The following HMG20A variants were observed in gnomAD, a reference collection of about 807,000 sequenced individuals.
The protein encoded by HMG20A is high mobility group 20A.
HMG20A carries 17 observed loss-of-function variants against 43.9 expected under a neutral mutation model. The observed-to-expected ratio is 0.39, with a 90% CI of 0.27 to 0.58. The LOEUF (loss-of-function observed/expected upper bound fraction) is 0.58, where lower values mean the gene tolerates loss of function less well. Among genes scored for constraint, HMG20A ranks in the 20% least tolerant of loss-of-function variants. The probability of loss-of-function intolerance (pLI) is 0.59; values close to 1 mark genes in which losing one functional copy is unlikely to be tolerated. For synonymous variants in HMG20A, 132 were observed against 147.5 expected, an observed-to-expected ratio of 0.89 and a Z score of 0.76; for missense variants, 341 against 438.2, an observed-to-expected ratio of 0.78 and a Z score of 1.98.
the HMG20A span, among the ~76,000 whole-genome samples, chr15:77,503,377 A>G: frequency 6.6e-6 from 1 of 152,158 alleles, no homozygotes; most frequent in Non-Finnish European, 1.5e-5. Flanking sequence ...TGTCTGCTCA[A>G]TCAAAGGAGT....
the HMG20A span, among the ~76,000 whole-genome samples, chr15:77,506,687 G>A: frequency 1.3e-5 from 2 of 152,242 alleles, no homozygotes; most frequent in South Asian, 4.1e-4. Flanking sequence ...ACTGCGCCCA[G>A]CCCACGTTCC....
chr15:77,450,420 A>T (rs2073723843), intron 1 of HMG20A, among the ~76,000 whole-genome samples: 3 of 152,218 alleles, frequency 2.0e-5, no homozygotes, highest in Admixed American at 2.0e-4. Context: ...AGGTAATTTT[A>T]TAGCAATGAT....
chr15:77,423,389 T>C (rs2073391563), intron 1 of HMG20A, among the ~76,000 whole-genome samples: 1 of 152,168 alleles, frequency 6.6e-6, no homozygotes, highest in Admixed American at 6.5e-5. Flanking sequence ...TTTTTTTTCT[T>C]AATGCCCTTT....
At chr15:77,464,815 A>G (rs2072739940) in intron 3 of HMG20A, 3 of 155,132 alleles carry the variant, frequency 1.9e-5, no homozygotes, top group Admixed American at 1.9e-4. Flanking sequence ...CTTAACTCAC[A>G]CAAAGGCGTA....
the HMG20A span, among the ~76,000 whole-genome samples, chr15:77,507,883 G>C: frequency 1.3e-5 from 2 of 151,510 alleles, no homozygotes; most frequent in African/African-American, 2.4e-5. Flanking sequence ...GTTGTGGGGG[G>C]GCGGTGCTGA....
At position 77,424,652 on chromosome 15, in the gene HMG20A, A is replaced by G. The variant is rs554486319; in HGVS notation, c.-5+3648A>G. ...TCCCCACAGTATGGGATGCAGTGGT[A>G]GACTGACTGAGCTTCAGCCTTGTCC... On this transcript the variant is annotated intron_variant, in intron 1 of 9. Coordinates refer to ENST00000336216, the MANE Select transcript of HMG20A (RefSeq NM_001304504.2). Among the ~76,000 whole-genome samples, 7 of 152,330 alleles carry G rather than the reference A, an allele frequency of 4.6e-5. No homozygotes were observed. In the South Asian group the frequency reaches 1.5e-3, roughly 32 times the overall value.
chr15:77,450,308 T>C (rs1355797980), intron 1 of HMG20A, among the ~76,000 whole-genome samples: 1 of 152,048 alleles, frequency 6.6e-6, no homozygotes, highest in Admixed American at 6.6e-5. Flanking sequence ...TTTTTTGTAT[T>C]TGAGTATTTG....
intron 1 of HMG20A, among the ~76,000 whole-genome samples, chr15:77,437,099 G>A (rs948490697): frequency 6.6e-6 from 1 of 152,130 alleles, no homozygotes; most frequent in Non-Finnish European, 1.5e-5. Context: ...TAGCTCTCAG[G>A]TTATGTGTTC....
At chr15:77,453,515 G>A (rs2072624124) in intron 1 of HMG20A, among the ~76,000 whole-genome samples, 1 of 152,150 alleles carries the variant, frequency 6.6e-6, no homozygotes, top group African/African-American at 2.4e-5. Flanking sequence ...AAAACAGTTT[G>A]ATTTTCTCAA....
rs114841203 is a variant in HMG20A at position 77,439,480 on chromosome 15, T to C, written c.-5+18476T>C. Among the ~76,000 whole-genome samples, 1,059 of 152,338 alleles carry C rather than the reference T, an allele frequency of 7.0e-3. 9 individuals carry two copies. Among genetic ancestry groups the C allele is most frequent in the African/African-American group, 0.024 (1,009 of 41,580 alleles). On this transcript the variant is annotated intron_variant, in intron 1 of 9. Transcript: ENST00000336216. ...TACTTGTTATTGAGCTTCATATAAA[T>C]ATATTCATAGAATATTTATTCTCGT...
At chr15:77,475,767 A>G (rs2072848882) in intron 6 of HMG20A, among the ~76,000 whole-genome samples, 1 of 152,190 alleles carries the variant, frequency 6.6e-6, no homozygotes. Flanking sequence ...GAAGCCAGCA[A>G]ATTTGAGAGA....
intron 1 of HMG20A, among the ~76,000 whole-genome samples, chr15:77,453,396 A>T (rs1567398620): frequency 1.3e-5 from 2 of 152,188 alleles, no homozygotes; most frequent in Non-Finnish European, 2.9e-5. Context: ...CTTCACATCT[A>T]CTAGGATGGC....
At chr15:77,421,176 G>T in intron 1 of HMG20A, 172 bp downstream of exon 1, 1 of 357,160 alleles carries the variant, frequency 2.8e-6, no homozygotes, top group East Asian at 4.0e-5. Context: ...CCTGGGGAGG[G>T]GGGACACCCT....
chr15:77,475,110 C>A (rs542550266), intron 6 of HMG20A, among the ~76,000 whole-genome samples: 16 of 152,268 alleles, frequency 1.1e-4, no homozygotes, highest in African/African-American at 3.6e-4. Context: ...ACAAATTAGA[C>A]CCTTTCAGTG....
At chr15:77,486,515 T>G (rs937459670), downstream of HMG20A, among the ~76,000 whole-genome samples, 16 of 152,226 alleles carry the variant, frequency 1.1e-4, no homozygotes, top group Non-Finnish European at 5.9e-5. Flanking sequence ...AGCCTCGGCC[T>G]CCCAAAGTGC....
the HMG20A span, among the ~76,000 whole-genome samples, chr15:77,497,961 C>A: frequency 7.2e-5 from 11 of 151,904 alleles, no homozygotes; most frequent in African/African-American, 2.4e-4. Flanking sequence ...GGCTGCACAG[C>A]AGTCCTGACA....
downstream of HMG20A, among the ~76,000 whole-genome samples, chr15:77,488,687 T>C (rs2072957774): frequency 6.6e-6 from 1 of 152,228 alleles, no homozygotes; most frequent in African/African-American, 2.4e-5. Context: ...TTTGGATTAA[T>C]TGTAATTTAG....
the HMG20A span, among the ~76,000 whole-genome samples, chr15:77,499,605 G>A: frequency 1.3e-5 from 2 of 152,104 alleles, no homozygotes; most frequent in Non-Finnish European, 2.9e-5. Flanking sequence ...ACAGGCCTTT[G>A]TGGGGGTCTT....
At chr15:77,448,039 A>T (rs1306051709) in intron 1 of HMG20A, among the ~76,000 whole-genome samples, 1 of 152,222 alleles carries the variant, frequency 6.6e-6, no homozygotes, top group Non-Finnish European at 1.5e-5. Flanking sequence ...TGTTTTTTCC[A>T]GTTATTTTGA....
Sources: gnomAD v4.1 joint callset for allele counts (sites outside exome capture counted in the v4.1 genomes callset) on GRCh38, gnomAD v4.1.1 for gene constraint, MANE v1.5 for transcripts, NCBI Gene and HGNC (gene_info 2026-07-23, HGNC 2026-07-21) for gene names.